RTN4: variants seen among roughly 807,000 people sequenced by gnomAD.
RTN4 encodes reticulon 4.
RTN4 carries 32 observed loss-of-function variants against 90.4 expected under a neutral mutation model. That is an observed-to-expected ratio of 0.35 (90% CI 0.27 to 0.48). The LOEUF (loss-of-function observed/expected upper bound fraction) is 0.48. Ranked by LOEUF, RTN4 falls within the 20% of genes least tolerant of loss-of-function variation. RTN4 has a pLI of 0.99. For synonymous variants in RTN4, 629 were observed against 552.5 expected, an observed-to-expected ratio of 1.14 and a Z score of -1.94; for missense variants, 1,706 against 1,430.2, an observed-to-expected ratio of 1.19 and a Z score of -3.11.
In RTN4 at chr2:54,994,806, C is replaced by T. The variant is rs533329760; in HGVS notation, c.3014-7108G>A. Among the ~76,000 whole-genome samples, 14 of 152,280 alleles carry T rather than the reference C, an allele frequency of 9.2e-5. No homozygotes were observed. The South Asian group carries it at 2.9e-3, about 32-fold the overall frequency. ...ATAACATGATCTTATACAGTAAATCCTCACTTAAATGTTGAGGATAGCTTT... is the reference window on the plus strand; with the variant it reads ...ATAACATGATCTTATACAGTAAATCTTCACTTAAATGTTGAGGATAGCTTT... On this transcript the variant is annotated intron_variant, in intron 3 of 8. Coordinates refer to ENST00000337526, the MANE Select transcript of RTN4 (RefSeq NM_020532.5).
At chr2:55,104,219 C>G (rs934309021) in intron 1 of RTN4, among the ~76,000 whole-genome samples, 1 of 150,864 alleles carries the variant, frequency 6.6e-6, no homozygotes, top group Non-Finnish European at 1.5e-5. Flanking sequence ...CACGGCTAAT[C>G]TTTTTTGCTT....
intron 2 of RTN4, among the ~76,000 whole-genome samples, chr2:55,070,753 T>TGTTGTTGTG (rs1440067545): frequency 1.3e-5 from 2 of 150,498 alleles, no homozygotes; most frequent in Non-Finnish European, 3.0e-5. Flanking sequence ...TGATTTTTGT[T>TGTTGTTGTG]GTTGTTGTTG....
At chr2:55,047,658 C>T (rs1667834485) in intron 1 of RTN4, among the ~76,000 whole-genome samples, 1 of 152,096 alleles carries the variant, frequency 6.6e-6, no homozygotes, top group African/African-American at 2.4e-5. Flanking sequence ...TCCAAGCAGG[C>T]AGTTACACTA....
At chr2:55,041,173 T>A (rs1440445004) in intron 1 of RTN4, among the ~76,000 whole-genome samples, 2 of 151,966 alleles carry the variant, frequency 1.3e-5, no homozygotes, top group African/African-American at 2.4e-5. Context: ...AATACCTGTA[T>A]AATTCAGTAT....
chr2:55,130,815 T>C, the RTN4 span, among the ~76,000 whole-genome samples: 1 of 152,170 alleles, frequency 6.6e-6, no homozygotes, highest in Non-Finnish European at 1.5e-5. Flanking sequence ...TTTCAGTTCA[T>C]GTCTGACTGA....
intron 1 of RTN4, among the ~76,000 whole-genome samples, chr2:55,095,034 C>T (rs545527604): frequency 6.6e-6 from 1 of 152,184 alleles, no homozygotes; most frequent in Admixed American, 6.5e-5. Context: ...ATCCAAATAC[C>T]ATAATAAGGC....
intron 3 of RTN4, among the ~76,000 whole-genome samples, chr2:54,989,271 T>C: frequency 6.6e-6 from 1 of 152,216 alleles, no homozygotes; most frequent in East Asian, 1.9e-4. Context: ...TTCAGTTGCC[T>C]AAATGGTCTG....
At chr2:55,010,163 C>T in intron 3 of RTN4, 1 of 1,611,868 alleles carries the variant, frequency 6.2e-7, no homozygotes, top group Non-Finnish European at 8.5e-7. Context: ...ATTAATTATG[C>T]ATACCAACAG....
upstream of RTN4, among the ~76,000 whole-genome samples, chr2:55,117,384 C>T (rs1668144247): frequency 6.6e-6 from 1 of 152,208 alleles, no homozygotes; most frequent in African/African-American, 2.4e-5. Flanking sequence ...TCCTAACCAT[C>T]ACCTCAAGCT....
chr2:55,035,998 A>G (rs534472699), intron 1 of RTN4, among the ~76,000 whole-genome samples: 1 of 152,258 alleles, frequency 6.6e-6, no homozygotes, highest in African/African-American at 2.4e-5. Context: ...TTGTAACTTA[A>G]AACCCCCACG....
At chr2:55,054,620 C>T (rs1003622137), upstream of RTN4, among the ~76,000 whole-genome samples, 2 of 152,090 alleles carry the variant, frequency 1.3e-5, no homozygotes, top group African/African-American at 4.8e-5. Context: ...CTACATATAG[C>T]AGGACGTGAA....
At chr2:55,051,590 C>G (rs1324368870), upstream of RTN4, among the ~76,000 whole-genome samples, 1 of 152,114 alleles carries the variant, frequency 6.6e-6, no homozygotes, top group East Asian at 1.9e-4. Flanking sequence ...TCTGGAGGCC[C>G]TGGAGAGAAG....
Position 55,005,395 on chromosome 2 carries a change from G to A in RTN4, c.3014-17697C>T, listed in dbSNP as rs915835815. ...ACAATATAAAGCTGGTTCTTATCAA[G>A]TAATTTAATGAGTTAACACTGACGA... On this transcript the variant is annotated intron_variant, in intron 3 of 8. Transcript: ENST00000337526. Among the ~76,000 whole-genome samples, 11 of 152,266 alleles carry A rather than the reference G, an allele frequency of 7.2e-5. 1 individual carries two copies. Among genetic ancestry groups the A allele is most frequent in the East Asian group, 5.8e-4 (3 of 5,178 alleles).
At chr2:55,036,386 G>A (rs534111233) in intron 1 of RTN4, among the ~76,000 whole-genome samples, 1 of 151,946 alleles carries the variant, frequency 6.6e-6, no homozygotes, top group East Asian at 1.9e-4. Context: ...CAGATCACTT[G>A]AGGCCAAGAG....
At chr2:54,993,468 C>T (rs529050090) in intron 3 of RTN4, among the ~76,000 whole-genome samples, 4 of 152,268 alleles carry the variant, frequency 2.6e-5, no homozygotes, top group Non-Finnish European at 5.9e-5. Context: ...AGTCAATTTT[C>T]CCAAAGTTAA....
chr2:55,129,553 C>T, the RTN4 span, among the ~76,000 whole-genome samples: 11 of 151,406 alleles, frequency 7.3e-5, no homozygotes, highest in Admixed American at 6.6e-4. Context: ...AGCACACAGA[C>T]TGGGTGAGTG....
intron 3 of RTN4, among the ~76,000 whole-genome samples, chr2:55,005,759 G>C (rs1410995346): frequency 6.6e-6 from 1 of 152,146 alleles, no homozygotes; most frequent in Non-Finnish European, 1.5e-5. Context: ...TTGGGAGTGA[G>C]GCCCAAGTCT....
intron 1 of RTN4, among the ~76,000 whole-genome samples, chr2:55,101,097 G>C (rs950415803): frequency 1.3e-5 from 2 of 151,776 alleles, no homozygotes; most frequent in Non-Finnish European, 1.5e-5. Context: ...ACAAAAACAA[G>C]CTCCAAACAG....
Position 54,987,502 on chromosome 2 carries a change from G to C in RTN4, c.3210C>G (p.Gly1070=). ...TCCAGACATCTCACCTGAATGGGTG[G>C]CCTTCATCTGATTTCTGGATAGCTT... ...VIQAIQKSDE[G]HPFRAYLESE... The change falls in exon 4 of 9, where the codon GGC becomes GGG. Residue 1070 remains glycine (G), a synonymous_variant. Coordinates refer to ENST00000337526, the MANE Select transcript of RTN4 (RefSeq NM_020532.5). 4 of 1,612,272 alleles carry C rather than the reference G, an allele frequency of 2.5e-6. No homozygotes were observed. The highest frequency in any genetic ancestry group is 3.4e-6 in the Non-Finnish European group (4 of 1,178,274).
Sources: gnomAD v4.1 joint callset for allele counts (sites outside exome capture counted in the v4.1 genomes callset) on GRCh38, gnomAD v4.1.1 for gene constraint, MANE v1.5 for transcripts, NCBI Gene and HGNC (gene_info 2026-07-23, HGNC 2026-07-21) for gene names.